FANCB: variants seen among roughly 807,000 people sequenced by gnomAD.
FANCB encodes FA complementation group B.
In FANCB, 5 loss-of-function variants were observed where a neutral mutation model predicts 38.9. That is an observed-to-expected ratio of 0.13 (90% CI 0.07 to 0.27). The LOEUF is 0.27. Ranked by LOEUF, FANCB falls within the 10% of genes least tolerant of loss-of-function variation. The probability of loss-of-function intolerance (pLI) is 1.00; values close to 1 mark genes in which losing one functional copy is unlikely to be tolerated. For synonymous variants in FANCB, 236 were observed against 215.4 expected (o/e 1.10, Z -0.84); for missense variants, 573 against 602.7 (o/e 0.95, Z 0.52).
chrX:14,838,091 C>T (rs755059746), intron 10 of FANCB, among the ~76,000 whole-genome samples: 5 of 111,523 alleles, frequency 4.5e-5, no homozygotes, highest in Middle Eastern at 4.2e-3. Context: ...ATAAATAGTC[C>T]TATATGACTC....
the FANCB span, among the ~76,000 whole-genome samples, chrX:14,761,814 T>C: frequency 4.5e-5 from 5 of 111,379 alleles, no homozygotes; most frequent in Middle Eastern, 9.3e-3. Flanking sequence ...TTTGATAGAA[T>C]AGACAACAGT....
At chrX:14,730,764 A>ACATTCAGACATGATATGCGCAT in the FANCB span, 7 of 290,790 alleles carry the variant, frequency 2.4e-5, no homozygotes, top group African/African-American at 1.3e-4. Context: ...GATATGCGCA[A>ACATTCAGACATGATATGCGCAT]CATTCAGACA....
At chrX:14,852,172 T>C (rs1000138566) in intron 6 of FANCB, among the ~76,000 whole-genome samples, 4 of 105,616 alleles carry the variant, frequency 3.8e-5, no homozygotes, top group Admixed American at 1.0e-4. Context: ...AGGAGGTTCT[T>C]TTTTTTTTTT....
chrX:14,863,004 C>T (rs1027303636), intron 3 of FANCB, among the ~76,000 whole-genome samples: 2 of 112,114 alleles, frequency 1.8e-5, no homozygotes, highest in East Asian at 5.6e-4. Flanking sequence ...ATGTATAATG[C>T]GCTTTTAAAA....
chrX:14,771,564 T>C, the FANCB span, among the ~76,000 whole-genome samples: 47 of 111,825 alleles, frequency 4.2e-4, 1 homozygote, highest in Non-Finnish European at 8.3e-4. Context: ...TCGCTTCTTT[T>C]CATTGGGTTA....
the FANCB span, among the ~76,000 whole-genome samples, chrX:14,698,199 G>A: frequency 9.0e-6 from 1 of 111,067 alleles, no homozygotes; most frequent in Non-Finnish European, 1.9e-5. Context: ...TATTAATAAT[G>A]ATATTTTCAA....
the FANCB span, among the ~76,000 whole-genome samples, chrX:14,724,290 G>A: frequency 1.8e-5 from 2 of 110,804 alleles, no homozygotes; most frequent in African/African-American, 3.3e-5. Context: ...ACTCTACCAC[G>A]TACCTGGCAC....
At chrX:14,818,700 T>C in the FANCB span, among the ~76,000 whole-genome samples, 1 of 112,008 alleles carries the variant, frequency 8.9e-6, no homozygotes, top group Non-Finnish European at 1.9e-5. Context: ...AAAGCAACAG[T>C]TGACATTTAC....
At chrX:14,690,143 T>C in the FANCB span, among the ~76,000 whole-genome samples, 97 of 112,029 alleles carry the variant, frequency 8.7e-4, no homozygotes, top group African/African-American at 2.9e-3. Flanking sequence ...ATATATAGTT[T>C]ATTTCTCATC....
chrX:14,726,415 G>T, the FANCB span, among the ~76,000 whole-genome samples: 6 of 112,017 alleles, frequency 5.4e-5, no homozygotes, highest in Non-Finnish European at 7.5e-5. Context: ...CATACCTCCT[G>T]CACATAAAAC....
At chrX:14,775,124 A>G in the FANCB span, among the ~76,000 whole-genome samples, 12 of 89,171 alleles carry the variant, frequency 1.3e-4, no homozygotes, top group Non-Finnish European at 2.0e-4. Flanking sequence ...GAGCCACCGC[A>G]CCCGGCCTCC....
the FANCB span, among the ~76,000 whole-genome samples, chrX:14,780,804 GTTTT>G: frequency 9.7e-6 from 1 of 102,918 alleles, no homozygotes; most frequent in African/African-American, 4.0e-5. Flanking sequence ...AATATTCTTG[GTTTT>G]TTTTGTTTTT....
chrX:14,781,805 G>T, the FANCB span, among the ~76,000 whole-genome samples: 1 of 112,000 alleles, frequency 8.9e-6, no homozygotes, highest in Non-Finnish European at 1.9e-5. Context: ...ATTTCTGTGG[G>T]AGCCTAAAAT....
chrX:14,805,072 C>T, the FANCB span, among the ~76,000 whole-genome samples: 8 of 111,756 alleles, frequency 7.2e-5, no homozygotes, highest in Non-Finnish European at 1.3e-4. Context: ...GTCCCCTGTA[C>T]GTCACTCTGT....
chrX:14,763,452 T>C, the FANCB span, among the ~76,000 whole-genome samples: 1 of 111,792 alleles, frequency 8.9e-6, no homozygotes, highest in African/African-American at 3.2e-5. Flanking sequence ...TCCAAGTACA[T>C]AAAGTACAAA....
chrX:14,842,875 C>T (rs2076659555), downstream of FANCB, among the ~76,000 whole-genome samples: 1 of 111,605 alleles, frequency 9.0e-6, no homozygotes, highest in African/African-American at 3.3e-5. Flanking sequence ...TATAGACTTA[C>T]ATAATTTCAG....
the FANCB span, among the ~76,000 whole-genome samples, chrX:14,741,745 G>A: frequency 2.7e-5 from 3 of 111,912 alleles, no homozygotes; most frequent in Middle Eastern, 4.6e-3. Flanking sequence ...GCACAAGTCC[G>A]AAATTTAGCT....
At chrX:14,835,604 G>A (rs1026078844), downstream of FANCB, among the ~76,000 whole-genome samples, 2 of 111,717 alleles carry the variant, frequency 1.8e-5, no homozygotes, top group Admixed American at 1.9e-4. Context: ...TAAATTCTCA[G>A]ATGTTACTGA....
the FANCB span, among the ~76,000 whole-genome samples, chrX:14,715,989 T>C: frequency 8.9e-6 from 1 of 111,871 alleles, no homozygotes; most frequent in Admixed American, 9.5e-5. Flanking sequence ...AATGTCAACA[T>C]GGCTATAGCA....
Sources: allele counts gnomAD v4.1 joint callset (sites outside exome capture counted in the v4.1 genomes callset), GRCh38; gene constraint gnomAD v4.1.1; transcripts MANE v1.5; gene names NCBI Gene and HGNC (gene_info 2026-07-23, HGNC 2026-07-21).